Variants in MLLT3 observed in about 807,000 individuals in gnomAD.
The protein encoded by MLLT3 is MLLT3 super elongation complex subunit.
In MLLT3, 4 loss-of-function variants were observed where a neutral mutation model predicts 53.2. The ratio of observed to expected loss-of-function variants is 0.08; its 90% confidence interval spans 0.04 to 0.17. MLLT3 has a LOEUF of 0.17. MLLT3 is among the 10% of genes least tolerant of loss of function. The pLI, the probability that MLLT3 is intolerant of heterozygous loss-of-function variation, is 1.00. For synonymous variants in MLLT3, 283 were observed against 230.6 expected (o/e 1.23, Z -2.06); for missense variants, 569 against 684.0 (o/e 0.83, Z 1.87).
Position 20,621,792 on chromosome 9 carries a change from C to G in MLLT3, c.12+453G>C, listed in dbSNP as rs528242652. 82 of 1,469,902 alleles carry G rather than the reference C, an allele frequency of 5.6e-5. No individual in the cohort carries two copies. The highest frequency in any genetic ancestry group is 5.0e-4 in the African/African-American group (34 of 67,638). The allele number at this position is 1,469,902 out of a possible 1,614,324, so 91.1% of individuals were successfully genotyped here. A position where few individuals can be genotyped will look rare whatever the true frequency, so the allele number is the denominator to read the frequency against. Reference sequence around the variant, plus strand: ...ACGCACCATCGTAGCGGCCGCGGCGCTTTGCGGAGGTGCGGCCGCCGAGGC... The same window carrying G: ...ACGCACCATCGTAGCGGCCGCGGCGGTTTGCGGAGGTGCGGCCGCCGAGGC... On this transcript the variant is annotated intron_variant, in intron 1 of 10. Transcript: ENST00000380338. The surrounding 1 kb of genome is among the most constrained non-coding windows in gnomAD (Gnocchi z 7.0).
chr9:20,394,780 G>C (rs754666006), intron 5 of MLLT3, among the ~76,000 whole-genome samples: 5 of 152,104 alleles, frequency 3.3e-5, no homozygotes, highest in Non-Finnish European at 5.9e-5. Context: ...TAAAATGCTG[G>C]AGAAACAGTA....
intron 2 of MLLT3, among the ~76,000 whole-genome samples, chr9:20,518,452 C>T (rs1243916819): frequency 6.6e-6 from 1 of 152,094 alleles, no homozygotes; most frequent in African/African-American, 2.4e-5. Context: ...ACCATGAGAA[C>T]ATTACAGTGG....
intron 5 of MLLT3, among the ~76,000 whole-genome samples, chr9:20,367,530 A>G (rs1821489346): frequency 6.6e-6 from 1 of 152,214 alleles, no homozygotes; most frequent in African/African-American, 2.4e-5. Context: ...ATTCCATGGC[A>G]GGTAAAGACA....
At chr9:20,358,263 A>G (rs183384799) in intron 8 of MLLT3, among the ~76,000 whole-genome samples, 188 of 152,280 alleles carry the variant, frequency 1.2e-3, no homozygotes, top group Non-Finnish European at 2.2e-3. Context: ...GCTCCAAGAC[A>G]TAGCTCTAAG....
chr9:20,512,422 G>T (rs1236163561), intron 2 of MLLT3, among the ~76,000 whole-genome samples: 1 of 152,098 alleles, frequency 6.6e-6, no homozygotes, highest in Non-Finnish European at 1.5e-5. Context: ...CACCACCTGG[G>T]AACCTTTGGA....
chr9:20,606,254 A>C (rs1325583558), intron 2 of MLLT3, among the ~76,000 whole-genome samples: 1 of 151,970 alleles, frequency 6.6e-6, no homozygotes, highest in East Asian at 1.9e-4. Context: ...TGCCTCCAGC[A>C]AGAAGCTGGT....
At chr9:20,494,397 T>C (rs1369421490) in intron 2 of MLLT3, among the ~76,000 whole-genome samples, 1 of 152,156 alleles carries the variant, frequency 6.6e-6, no homozygotes, top group African/African-American at 2.4e-5. Context: ...TTTTTAATCA[T>C]CAATTTCACT....
intron 2 of MLLT3, among the ~76,000 whole-genome samples, chr9:20,479,645 A>C (rs2118902847): frequency 6.6e-6 from 1 of 151,896 alleles, no homozygotes; most frequent in Non-Finnish European, 1.5e-5. Flanking sequence ...ATTTCCCATG[A>C]CTCCGTTTCC....
At position 20,620,252 on chromosome 9, in the gene MLLT3, AACACACACACACACACACAC is replaced by A. The variant is rs60526002; in HGVS notation, c.193+382_193+401del. Among the ~76,000 whole-genome samples the A allele has an allele frequency of 2.0e-4, 29 of 142,606 alleles. No individual in the cohort carries two copies. The highest frequency in any genetic ancestry group is 4.9e-4 in the African/African-American group (19 of 38,396). 93.6% of individuals were successfully genotyped at this position (142,606 alleles called of 152,430 possible). A position where few individuals can be genotyped will look rare whatever the true frequency, so the allele number is the denominator to read the frequency against. On this transcript the variant is annotated intron_variant, in intron 2 of 10. Transcript: ENST00000380338. This position sits in a 1 kb window ranked among gnomAD's most constrained non-coding sequence, Gnocchi z 6.1. ...AGGTAAATCTTAATTTCTCTAGGAA[AACACACACACACACACACAC>A]ACACACACACACACACACACACGCG... is the stretch of plus-strand genomic sequence containing the variant.
At chr9:20,464,511 G>T (rs1824188134) in intron 2 of MLLT3, among the ~76,000 whole-genome samples, 1 of 152,078 alleles carries the variant, frequency 6.6e-6, no homozygotes, top group Non-Finnish European at 1.5e-5. Context: ...AGAAAGTACT[G>T]AGTGACAAGT....
chr9:20,477,775 G>A (rs1824563118), intron 2 of MLLT3, among the ~76,000 whole-genome samples: 1 of 151,990 alleles, frequency 6.6e-6, no homozygotes, highest in Non-Finnish European at 1.5e-5. Flanking sequence ...AATCCCAATG[G>A]TATGAGTTAT....
At chr9:20,510,802 TTAGTC>T (rs764062463) in intron 2 of MLLT3, among the ~76,000 whole-genome samples, 39 of 152,132 alleles carry the variant, frequency 2.6e-4, no homozygotes, top group Non-Finnish European at 5.1e-4. Context: ...TATACATCCT[TTAGTC>T]TAGGAATCCC....
At chr9:20,528,700 A>C (rs1354014079) in intron 2 of MLLT3, among the ~76,000 whole-genome samples, 1 of 152,220 alleles carries the variant, frequency 6.6e-6, no homozygotes, top group East Asian at 1.9e-4. Flanking sequence ...TCATTTCACT[A>C]GGATACTTAA....
At chr9:20,506,033 A>T (rs577145147) in intron 2 of MLLT3, among the ~76,000 whole-genome samples, 13 of 152,086 alleles carry the variant, frequency 8.5e-5, no homozygotes, top group Non-Finnish European at 1.8e-4. Flanking sequence ...CACTGACAGT[A>T]GTCACTGTTT....
Position 20,620,584 on chromosome 9 carries a change from G to A in MLLT3, c.193+70C>T, listed in dbSNP as rs1259229651. On this transcript the variant is annotated intron_variant, in intron 2 of 10. Coordinates refer to ENST00000380338, the MANE Select transcript of MLLT3 (RefSeq NM_004529.4). This position sits in a 1 kb window ranked among gnomAD's most constrained non-coding sequence, Gnocchi z 6.1. The stretch of plus-strand genomic sequence containing the variant: ...CGCGGGGGGCGGGGAGCGGGACAGC[G>A]GGACCGCCCGGGCCAAGCGATTGTT... 6.2e-6 allele frequency: 9 copies of A among 1,461,628 alleles called. No individual in the cohort carries two copies. The highest frequency in any genetic ancestry group is 8.4e-6 in the Non-Finnish European group (9 of 1,076,656). 90.5% of individuals were successfully genotyped at this position (1,461,628 alleles called of 1,614,324 possible).
At chr9:20,490,776 T>C (rs1267966366) in intron 2 of MLLT3, among the ~76,000 whole-genome samples, 1 of 152,202 alleles carries the variant, frequency 6.6e-6, no homozygotes, top group African/African-American at 2.4e-5. Context: ...CAGGAACCCA[T>C]TTAATTCTCA....
intron 8 of MLLT3, among the ~76,000 whole-genome samples, chr9:20,357,056 T>C (rs549168213): frequency 6.8e-4 from 104 of 152,348 alleles, no homozygotes; most frequent in Non-Finnish European, 1.1e-3. Context: ...TGATCATTTC[T>C]TATCTTTAGG....
intron 2 of MLLT3, among the ~76,000 whole-genome samples, chr9:20,550,213 A>T (rs1428665591): frequency 2.6e-5 from 4 of 152,300 alleles, no homozygotes; most frequent in East Asian, 1.9e-4. Flanking sequence ...CTTGCCCCAA[A>T]AGCTCAAAGC....
At chr9:20,553,735 G>C (rs949343863) in intron 2 of MLLT3, among the ~76,000 whole-genome samples, 1 of 151,962 alleles carries the variant, frequency 6.6e-6, no homozygotes, top group Admixed American at 6.6e-5. Context: ...TACAGATCTA[G>C]AAGACAGGAA....
Sources: allele counts gnomAD v4.1 joint callset (sites outside exome capture counted in the v4.1 genomes callset), GRCh38; gene constraint gnomAD v4.1.1; non-coding constraint Gnocchi (gnomAD v3.1); transcripts MANE v1.5; gene names NCBI Gene and HGNC (gene_info 2026-07-23, HGNC 2026-07-21).